Variants in STYXL1 observed in about 807,000 individuals in gnomAD.
The protein encoded by STYXL1 is serine/threonine/tyrosine-interacting-like protein 1.
A neutral mutation model predicts 36.4 loss-of-function variants in STYXL1; 32 were observed. The observed-to-expected ratio is 0.88, with a 90% CI of 0.66 to 1.18. The LOEUF (loss-of-function observed/expected upper bound fraction) is 1.18, where lower values mean the gene tolerates loss of function less well. Ranked by LOEUF, STYXL1 falls within the 50% of genes most tolerant of loss-of-function variation. The pLI, the probability that STYXL1 is intolerant of heterozygous loss-of-function variation, is 0.00. For synonymous variants in STYXL1, 133 were observed against 144.1 expected (o/e 0.92, Z 0.55); for missense variants, 354 against 394.1 (o/e 0.90, Z 0.86).
intron 3 of STYXL1, 142 bp from the exon 4 acceptor site, chr7:76,022,134 G>A (rs955446224): frequency 4.5e-5 from 65 of 1,450,948 alleles, no homozygotes; most frequent in Non-Finnish European, 5.1e-5. Context: ...CAGAAGCACT[G>A]AGACAGTGGA....
At chr7:75,999,628 G>T (rs376823973) in intron 8 of STYXL1, among the ~76,000 whole-genome samples, 2 of 151,310 alleles carry the variant, frequency 1.3e-5, no homozygotes, top group South Asian at 2.1e-4. Context: ...GCTCACTGCT[G>T]CCTCTGCCTC....
chr7:76,031,034 A>C (rs1470732952), intron 1 of STYXL1, among the ~76,000 whole-genome samples: 2 of 151,792 alleles, frequency 1.3e-5, no homozygotes, highest in African/African-American at 4.8e-5. Context: ...GGTGGTGCAC[A>C]TCTATAGTCC....
chr7:76,038,570 C>A (rs998048072), intron 1 of STYXL1, among the ~76,000 whole-genome samples: 2 of 151,102 alleles, frequency 1.3e-5, no homozygotes, highest in Admixed American at 1.3e-4. Flanking sequence ...GGACTACAGG[C>A]GTCTGCCACC....
intron 8 of STYXL1, 96 bp from the exon 9 acceptor site, chr7:75,996,695 C>G (rs1790176699): frequency 4.2e-6 from 5 of 1,187,508 alleles, no homozygotes. Context: ...GGCACTTGCA[C>G]AGTGCCAGCA....
intron 3 of STYXL1, among the ~76,000 whole-genome samples, chr7:76,025,931 G>A (rs1356887714): frequency 1.3e-5 from 2 of 151,902 alleles, no homozygotes; most frequent in South Asian, 2.1e-4. Context: ...GGTGGCTCAC[G>A]CCTGTAATTC....
At chr7:76,036,260 CCAGTT>C (rs545095180) in intron 1 of STYXL1, among the ~76,000 whole-genome samples, 3 of 149,840 alleles carry the variant, frequency 2.0e-5, no homozygotes, top group Non-Finnish European at 4.5e-5. Context: ...ACCACCACGT[CCAGTT>C]AATTTTTGTA....
At chr7:76,012,707 T>C (rs1276336743) in intron 5 of STYXL1, among the ~76,000 whole-genome samples, 3 of 152,136 alleles carry the variant, frequency 2.0e-5, no homozygotes, top group Admixed American at 2.0e-4. Flanking sequence ...ATTTATTGAT[T>C]TTTTTGTAGA....
intron 1 of STYXL1, among the ~76,000 whole-genome samples, chr7:76,038,113 G>A (rs1796094828): frequency 6.7e-6 from 1 of 150,318 alleles, no homozygotes; most frequent in Non-Finnish European, 1.5e-5. Context: ...CTGTTGCCCA[G>A]GCTGGCGTGC....
chr7:76,012,360 C>T (rs1181530466), intron 5 of STYXL1, among the ~76,000 whole-genome samples: 2 of 152,042 alleles, frequency 1.3e-5, no homozygotes, highest in Non-Finnish European at 2.9e-5. Context: ...ACTGCAGCCT[C>T]GACCTCCTGG....
intron 1 of STYXL1, among the ~76,000 whole-genome samples, chr7:76,034,384 T>C (rs1563517878): frequency 1.3e-5 from 2 of 152,190 alleles, no homozygotes; most frequent in Non-Finnish European, 2.9e-5. Context: ...AATGTCCATC[T>C]TGCCTAAGCC....
Position 76,047,914 on chromosome 7 carries a change from G to C in STYXL1, c.-257C>G, listed in dbSNP as rs1471376445. Reference sequence around the variant, plus strand: ...CCACTCCGACCGCAGGTCCCCCACCGGCCACACAGACGGCTACGCTAGAAC... The same window carrying C: ...CCACTCCGACCGCAGGTCCCCCACCCGCCACACAGACGGCTACGCTAGAAC... On this transcript the variant is annotated 5_prime_UTR_variant, in exon 1 of 9. Coordinates refer to ENST00000359697, the MANE Select transcript of STYXL1 (RefSeq NM_001317785.2). 1 of 1,420,684 alleles carries C rather than the reference G, an allele frequency of 7.0e-7. No homozygotes were observed. The highest frequency in any genetic ancestry group is 9.2e-7 in the Non-Finnish European group (1 of 1,088,996). The allele number at this position is 1,420,684 out of a possible 1,614,324, so 88.0% of individuals were successfully genotyped here.
At chr7:76,000,458 G>A (rs1554566572) in intron 8 of STYXL1, 1 of 457,434 alleles carries the variant, frequency 2.2e-6, no homozygotes. Flanking sequence ...TGAGTTAGGA[G>A]CTCCGAGTTC....
At chr7:76,038,557 C>G (rs1001100493) in intron 1 of STYXL1, among the ~76,000 whole-genome samples, 3 of 151,698 alleles carry the variant, frequency 2.0e-5, no homozygotes, top group African/African-American at 7.3e-5. Context: ...TCCTGAGTAG[C>G]TGGGACTACA....
At chr7:76,035,475 T>C (rs1179053454) in intron 1 of STYXL1, among the ~76,000 whole-genome samples, 1 of 150,014 alleles carries the variant, frequency 6.7e-6, no homozygotes, top group Non-Finnish European at 1.5e-5. Context: ...TAATAGTCAA[T>C]GAACACATGT....
At chr7:76,027,634 T>C (rs1156324882) in intron 3 of STYXL1, among the ~76,000 whole-genome samples, 1 of 148,020 alleles carries the variant, frequency 6.8e-6, no homozygotes, top group African/African-American at 2.5e-5. Context: ...AACATAAAGC[T>C]CCAAAAATAA....
At chr7:76,039,857 G>A (rs1796312396) in intron 1 of STYXL1, among the ~76,000 whole-genome samples, 1 of 152,076 alleles carries the variant, frequency 6.6e-6, no homozygotes. Context: ...ACGTTGGCCA[G>A]CTTAGTCTCA....
intron 5 of STYXL1, among the ~76,000 whole-genome samples, chr7:76,012,427 T>C (rs567104152): frequency 6.6e-6 from 1 of 152,240 alleles, no homozygotes; most frequent in Admixed American, 6.5e-5. Context: ...AGGGTCTCAC[T>C]CTGTCACACA....
intron 4 of STYXL1, among the ~76,000 whole-genome samples, chr7:76,014,817 CT>C (rs1793073364): frequency 6.6e-6 from 1 of 151,992 alleles, no homozygotes; most frequent in South Asian, 2.1e-4. Context: ...TATATGTCAA[CT>C]GTATGTTGTG....
intron 4 of STYXL1, 128 bp downstream of exon 4, chr7:76,021,723 C>T (rs1794095623): frequency 1.9e-5 from 14 of 728,164 alleles, no homozygotes; most frequent in South Asian, 5.0e-5. Context: ...CTTTTTCTGA[C>T]GCAAACCCTG....
Sources: allele counts gnomAD v4.1 joint callset (sites outside exome capture counted in the v4.1 genomes callset), GRCh38; gene constraint gnomAD v4.1.1; transcripts MANE v1.5; gene names NCBI Gene and HGNC (gene_info 2026-07-23, HGNC 2026-07-21).